Variants in SEMA7A observed in about 807,000 individuals in gnomAD.
SEMA7A encodes the protein semaphorin-7A.
Under a neutral mutation model 67.5 loss-of-function variants are expected in SEMA7A, and 21 were observed. The observed-to-expected ratio is 0.31, with a 90% confidence interval of 0.22 to 0.45. SEMA7A has a LOEUF of 0.45. Ranked by LOEUF, SEMA7A falls within the 20% of genes least tolerant of loss-of-function variation. SEMA7A has a pLI of 1.00. For synonymous variants in SEMA7A, 364 were observed against 368.5 expected (o/e 0.99, Z 0.14); for missense variants, 774 against 908.6 (o/e 0.85, Z 1.90).
intron 10 of SEMA7A, among the ~76,000 whole-genome samples, chr15:74,413,895 T>C (rs934988579): frequency 6.6e-6 from 1 of 152,122 alleles, no homozygotes; most frequent in Non-Finnish European, 1.5e-5. Flanking sequence ...GCAGCTGGCA[T>C]GGGAAGCTGC....
intron 1 of SEMA7A, chr15:74,433,529 C>T (rs1028703552): frequency 2.8e-5 from 34 of 1,204,038 alleles, no homozygotes; most frequent in Non-Finnish European, 3.3e-5. Context: ...CCCCGCCGCT[C>T]GCTCGCCGCA....
At chr15:74,433,441 C>T (rs566898308) in intron 1 of SEMA7A, 25 of 603,178 alleles carry the variant, frequency 4.1e-5, no homozygotes, top group African/African-American at 4.1e-4. Flanking sequence ...GAGAGAGGGG[C>T]CCGCCCCCTC....
intron 10 of SEMA7A, among the ~76,000 whole-genome samples, chr15:74,412,275 G>A (rs1372732074): frequency 6.6e-6 from 1 of 152,220 alleles, no homozygotes; most frequent in Non-Finnish European, 1.5e-5. Context: ...GGCTGCACGG[G>A]AAGAACAGAA....
chr15:74,418,822 G>A lies in SEMA7A; in HGVS notation c.309C>T (p.Gly103=). 6.2e-7 allele frequency: 1 copy of A among 1,613,886 alleles called. No homozygotes were observed. Among genetic ancestry groups the A allele is most frequent in the South Asian group, 1.1e-5 (1 of 91,086 alleles). Residue 103 remains glycine (G), a synonymous_variant, in exon 2 of 14, where the codon GGC becomes GGT. Coordinates refer to ENST00000261918, the MANE Select transcript of SEMA7A (RefSeq NM_003612.5). The part of the protein sequence containing the change: ...GKVYLFDFPE[G]KNASVRTVNI... The stretch of plus-strand genomic sequence containing the variant: ...TCACCGTGCGCACAGATGCGTTCTT[G>A]CCCTCGGGGAAGTCAAAGAGGTAGA...
intron 1 of SEMA7A, among the ~76,000 whole-genome samples, chr15:74,433,223 G>A (rs1249321463): frequency 6.6e-6 from 1 of 151,218 alleles, no homozygotes; most frequent in African/African-American, 2.4e-5. Flanking sequence ...CGGGGCGGGG[G>A]CGGGGGCAGG....
Position 74,423,920 on chromosome 15 carries a change from C to A in SEMA7A, c.179-4968G>T, listed in dbSNP as rs1596197151. Among the ~76,000 whole-genome samples the A allele has an allele frequency of 6.6e-6, 1 of 152,150 alleles. No individual in the cohort carries two copies. The highest frequency in any genetic ancestry group is 1.5e-5 in the Non-Finnish European group (1 of 68,026). ...CAGGTGGGTCCTGGCAACTCTCAGG[C>A]AGGGTTAGGTTCTAGATTAGCTAGT... On this transcript the variant is annotated intron_variant, in intron 1 of 13. Coordinates refer to ENST00000261918, the MANE Select transcript of SEMA7A (RefSeq NM_003612.5). This position sits in a 1 kb window ranked among gnomAD's most constrained non-coding sequence, Gnocchi z 4.1.
chr15:74,412,901 G>A (rs1387427143), intron 10 of SEMA7A, among the ~76,000 whole-genome samples: 2 of 152,084 alleles, frequency 1.3e-5, no homozygotes, highest in East Asian at 1.9e-4. Flanking sequence ...TCTTATAACC[G>A]AGCTGCCTGC....
At chr15:74,432,508 C>T (rs895160335) in intron 1 of SEMA7A, among the ~76,000 whole-genome samples, 2 of 152,250 alleles carry the variant, frequency 1.3e-5, no homozygotes, top group Non-Finnish European at 2.9e-5. Context: ...GAGCCCCTGC[C>T]TGCACCTGGG....
At position 74,411,656 on chromosome 15, in the gene SEMA7A, A is replaced by G; in HGVS notation, c.1477T>C (p.Cys493Arg). Residue 493 changes from cysteine to arginine, a missense_variant, in exon 12 of 14, where the codon TGT (cysteine) becomes CGT (arginine). By Grantham distance (180) the Cys-to-Arg change is radical (BLOSUM62 -3). Around this residue, in one of 2 missense-constraint regions of SEMA7A, gnomAD observed 427 missense variants for 555.4 expected, o/e 0.77. Transcript: ENST00000261918. This position sits in a 1 kb window ranked among gnomAD's most constrained non-coding sequence, Gnocchi z 4.4. ...TGGCAGCCCCCGCCATAGACCTCAC[A>G]CAGGTCCAGGGGCACCTGGCTCACC... ...WEVSQVPLDLCEVYGGGCHGC... is the reference protein window; with the variant it reads ...WEVSQVPLDLREVYGGGCHGC... 1 of 1,613,598 alleles carries G rather than the reference A, an allele frequency of 6.2e-7. No homozygotes were observed. Among genetic ancestry groups the G allele is most frequent in the Non-Finnish European group, 8.5e-7 (1 of 1,179,952 alleles).
In SEMA7A at chr15:74,417,656, G is replaced by A. The variant is rs1336933915; in HGVS notation, c.485C>T (p.Pro162Leu). Residue 162 changes from proline (P) to leucine (L), a missense_variant, in exon 5 of 14, where the codon CCA (proline) becomes CTA (leucine). This residue lies in a region of SEMA7A where 347 missense variants were observed against 353.2 expected (regional missense o/e 0.98). Transcript: ENST00000261918. ...CWNLVNGTVV[P>L]LGEMRGYAPF... ...GGCGTAGCCTCTCATCTCGCCAAGT[G>A]GCACCACAGTGCCATTCACCTGTGG... is the stretch of plus-strand genomic sequence containing the variant. 1 of 1,612,124 alleles carries A rather than the reference G, an allele frequency of 6.2e-7. No individual in the cohort carries two copies. Among genetic ancestry groups the A allele is most frequent in the Non-Finnish European group, 8.5e-7 (1 of 1,179,842 alleles).
rs749749546 is a variant in SEMA7A, at chr15:74,411,450, G to A, written c.1578-94C>T. 4 of 1,547,618 alleles carry A rather than the reference G, an allele frequency of 2.6e-6. No individual in the cohort carries two copies. The Admixed American group carries it at 5.6e-5, about 22-fold the overall frequency. ...CCAGTGCAGTTCCAGCAGAGAGGAG[G>A]GTCCCACAAGAAAGGCCCAGTACCG... On this transcript the variant is annotated intron_variant, in intron 12 of 13. Coordinates refer to ENST00000261918, the MANE Select transcript of SEMA7A (RefSeq NM_003612.5). This position sits in a 1 kb window ranked among gnomAD's most constrained non-coding sequence, Gnocchi z 4.4.
chr15:74,420,266 T>TGGCC (rs988989279), intron 1 of SEMA7A, among the ~76,000 whole-genome samples: 2 of 152,212 alleles, frequency 1.3e-5, no homozygotes, highest in African/African-American at 4.8e-5. Flanking sequence ...CATCCCTTCA[T>TGGCC]GGCCAGGTCA....
chr15:74,431,767 G>A (rs2042884856), intron 1 of SEMA7A, among the ~76,000 whole-genome samples: 1 of 152,270 alleles, frequency 6.6e-6, no homozygotes, highest in African/African-American at 2.4e-5. Context: ...CCTGGGGGTG[G>A]GGGGCAGGTG....
Position 74,411,265 on chromosome 15 carries a change from C to T in SEMA7A, c.1639+30G>A, listed in dbSNP as rs1157002625. 2 of 1,608,692 alleles carry T rather than the reference C, an allele frequency of 1.2e-6. No homozygotes were observed. The highest frequency in any genetic ancestry group is 1.3e-5 in the African/African-American group (1 of 74,872). On this transcript the variant is annotated intron_variant, in intron 13 of 13. Transcript: ENST00000261918. This position sits in a 1 kb window ranked among gnomAD's most constrained non-coding sequence, Gnocchi z 4.4. ...CAGGGCAGTACCCCACTCATTGGGC[C>T]ACAGCCGCCAGCAGGGCCAGATCAG...
intron 1 of SEMA7A, among the ~76,000 whole-genome samples, chr15:74,430,027 G>A (rs775915693): frequency 6.6e-6 from 1 of 152,018 alleles, no homozygotes; most frequent in Non-Finnish European, 1.5e-5. Flanking sequence ...AGGTTTATCT[G>A]CCCATCTACA....
Position 74,409,434 on chromosome 15 carries a change from G to GAA in SEMA7A, c.*1188_*1189dup, listed in dbSNP as rs1410988049. 1 of 152,296 alleles carries GAA rather than the reference G, an allele frequency of 6.6e-6. No individual in the cohort carries two copies. The highest frequency in any genetic ancestry group is 1.5e-5 in the Non-Finnish European group (1 of 68,102). 9.4% of individuals were successfully genotyped at this position (152,296 alleles called of 1,614,324 possible). On this transcript the variant is annotated 3_prime_UTR_variant, in exon 14 of 14. Transcript: ENST00000261918. Reference sequence around the variant, plus strand: ...CCGGAGAAGGGCCCAGCTCCCCCCTGAAATGGATGGACAGGGCTGGGGGCA... The same window carrying GAA: ...CCGGAGAAGGGCCCAGCTCCCCCCTGAAAAATGGATGGACAGGGCTGGGGGCA...
rs975029041 is a variant in SEMA7A, at chr15:74,409,576, C to T, written c.*1048G>A. 2.0e-5 allele frequency: 3 copies of T among 152,332 alleles called. No homozygotes were observed. Among genetic ancestry groups the T allele is most frequent in the Non-Finnish European group, 4.4e-5 (3 of 68,118 alleles). 9.4% of individuals were successfully genotyped at this position (152,332 alleles called of 1,614,324 possible). ...GAGGCTAGGAGCATGGAAGCACAGC[C>T]CCTGGGGAAGGGGGCTGAGAGGAAG... On this transcript the variant is annotated 3_prime_UTR_variant, in exon 14 of 14. Transcript: ENST00000261918.
intron 1 of SEMA7A, among the ~76,000 whole-genome samples, chr15:74,431,175 A>C (rs1187200579): frequency 6.6e-6 from 1 of 152,344 alleles, no homozygotes; most frequent in East Asian, 1.9e-4. Flanking sequence ...CCACACATGC[A>C]CATCCTTGAC....
At chr15:74,413,196 A>G (rs1012393864) in intron 10 of SEMA7A, among the ~76,000 whole-genome samples, 3 of 152,200 alleles carry the variant, frequency 2.0e-5, no homozygotes, top group Admixed American at 2.0e-4. Context: ...CACTGCCTTC[A>G]CAGACATACT....
Sources: gnomAD v4.1 joint callset for allele counts (sites outside exome capture counted in the v4.1 genomes callset) on GRCh38, gnomAD v4.1.1 for gene constraint, gnomAD v4.1.1 regional missense constraint, Gnocchi (gnomAD v3.1) non-coding constraint, MANE v1.5 for transcripts, NCBI Gene and HGNC (gene_info 2026-07-23, HGNC 2026-07-21) for gene names.